The following CELA2B variants were observed in gnomAD, a reference collection of about 807,000 sequenced individuals.
CELA2B encodes chymotrypsin-like elastase family member 2B.
CELA2B carries 27 observed loss-of-function variants against 36.5 expected under a neutral mutation model. That is an observed-to-expected ratio of 0.74 (90% CI 0.55 to 1.02). The LOEUF is 1.02. Ranked by LOEUF, CELA2B falls within the 50% of genes least tolerant of loss-of-function variation. The pLI is 0.00. For missense variants in CELA2B, 340 were observed against 347.8 expected (o/e 0.98, Z 0.18); for synonymous variants, 143 against 148.5 (o/e 0.96, Z 0.27).
chr1:15,491,392 C>A lies in CELA2B; in HGVS notation c.*80C>A. ...AATATTATATAAAGTGACAACTATG[C>A]AAATCACATCTTGATGAGGGTTTTA... On this transcript the variant is annotated 3_prime_UTR_variant, in exon 8 of 8. Transcript: ENST00000375910. The A allele has an allele frequency of 6.6e-7, 1 of 1,518,740 alleles. No homozygotes were observed. The highest frequency in any genetic ancestry group is 9.1e-7 in the Non-Finnish European group (1 of 1,094,402). 94.1% of individuals were successfully genotyped at this position (1,518,740 alleles called of 1,614,324 possible). A position where few individuals can be genotyped will look rare whatever the true frequency, so the allele number is the denominator to read the frequency against.
chr1:15,491,095 C>G, intron 7 of CELA2B, 200 bp from the exon 8 acceptor site: 1 of 630,338 alleles, frequency 1.6e-6, no homozygotes, highest in Non-Finnish European at 2.9e-6. Flanking sequence ...ACAGGAAGAC[C>G]CTAACAGGTC....
chr1:15,491,352 T>C lies in CELA2B; in HGVS notation c.*40T>C. On this transcript the variant is annotated 3_prime_UTR_variant, in exon 8 of 8. Coordinates refer to ENST00000375910, the MANE Select transcript of CELA2B (RefSeq NM_015849.3). ...TGGGACTGTTTCAGACTTGGAAAGGTCACAGAAGGAAAATAATATTATATA... is the reference window on the plus strand; with the variant it reads ...TGGGACTGTTTCAGACTTGGAAAGGCCACAGAAGGAAAATAATATTATATA... 6 of 1,612,124 alleles carry C rather than the reference T, an allele frequency of 3.7e-6. No homozygotes were observed. Among genetic ancestry groups the C allele is most frequent in the Non-Finnish European group, 5.1e-6 (6 of 1,178,246 alleles).
At chr1:15,481,891 C>T (rs866681682) in intron 3 of CELA2B, 7 of 383,268 alleles carry the variant, frequency 1.8e-5, no homozygotes, top group Admixed American at 7.2e-5. Flanking sequence ...GGTGGGACTC[C>T]GGACCAGTTA....
At position 15,491,002 on chromosome 1, in the gene CELA2B, G is replaced by A. The variant is rs114099712; in HGVS notation, c.793-293G>A. 2,804 of 411,492 alleles carry A rather than the reference G, an allele frequency of 6.8e-3. 25 individuals are homozygous for A. The highest frequency in any genetic ancestry group is 0.028 in the South Asian group (721 of 26,096). 25.5% of individuals were successfully genotyped at this position (411,492 alleles called of 1,614,324 possible). A position where few individuals can be genotyped will look rare whatever the true frequency, so the allele number is the denominator to read the frequency against. On this transcript the variant is annotated intron_variant, in intron 7 of 7. Transcript: ENST00000375910. ...AATGAAATCTAAAAATATGCCATCC[G>A]CACATTTGGCATATAATTTTTAGGG...
At chr1:15,481,235 C>G in intron 3 of CELA2B, 40 bp downstream of exon 3, 6 of 1,612,074 alleles carry the variant, frequency 3.7e-6, no homozygotes, top group Non-Finnish European at 5.1e-6. Flanking sequence ...GCTCACCAGC[C>G]GGTGCTCATT....
At chr1:15,483,449 G>T in intron 5 of CELA2B, 49 bp downstream of exon 5, 1 of 1,612,754 alleles carries the variant, frequency 6.2e-7, no homozygotes, top group Non-Finnish European at 8.5e-7. Flanking sequence ...GGGAGGTGAT[G>T]TCACCCCTGT....
chr1:15,487,252 A>C, intron 6 of CELA2B, 33 bp from the exon 7 acceptor site: 2 of 1,604,734 alleles, frequency 1.2e-6, no homozygotes, highest in Non-Finnish European at 8.5e-7. Context: ...CCTTCCTCCC[A>C]CTTCAACTCC....
chr1:15,482,124 A>G (rs990655736), intron 3 of CELA2B, 141 bp from the exon 4 acceptor site: 7 of 936,978 alleles, frequency 7.5e-6, no homozygotes, highest in South Asian at 3.3e-5. Context: ...TATGATAACT[A>G]ACTGACTGTC....
In CELA2B at chr1:15,485,985, G is replaced by A. The variant is rs1168277315; in HGVS notation, c.578G>A (p.Gly193Asp). Residue 193 changes from glycine to aspartate, a missense_variant, in exon 6 of 8, where the codon GGC becomes GAC. Physicochemically the swap from Gly to Asp is moderately conservative, Grantham distance 94. Coordinates refer to ENST00000375910, the MANE Select transcript of CELA2B (RefSeq NM_015849.3). ...YATCSSSGWWGSTVKTNMICA... is the reference protein window; with the variant it reads ...YATCSSSGWWDSTVKTNMICA... ...ACCTGCTCCAGCTCTGGCTGGTGGG[G>A]CAGCACCGTGAAGACGAATATGATC... 5.0e-6 allele frequency: 8 copies of A among 1,614,096 alleles called. No individual in the cohort carries two copies. The highest frequency in any genetic ancestry group is 1.6e-4 in the Middle Eastern group (1 of 6,084).
intron 5 of CELA2B, among the ~76,000 whole-genome samples, 177 bp downstream of exon 5, chr1:15,483,577 G>A (rs1708769299): frequency 6.6e-6 from 1 of 152,230 alleles, no homozygotes; most frequent in Non-Finnish European, 1.5e-5. Context: ...CTTAATGACT[G>A]TGACACCTTG....
chr1:15,476,799 A>G (rs1331576384), intron 2 of CELA2B, among the ~76,000 whole-genome samples: 1 of 152,118 alleles, frequency 6.6e-6, no homozygotes, highest in Non-Finnish European at 1.5e-5. Context: ...CCTGGCCAAC[A>G]TGGTGAAACC....
intron 2 of CELA2B, 59 bp from the exon 3 acceptor site, chr1:15,481,039 T>A: frequency 6.3e-7 from 1 of 1,594,516 alleles, no homozygotes; most frequent in Non-Finnish European, 8.6e-7. Flanking sequence ...CTTGGGAAAC[T>A]GGAGTGCAGG....
Position 15,476,157 on chromosome 1 carries a change from T to C in CELA2B, c.32T>C (p.Val11Ala). Residue 11 changes from valine to alanine, a missense_variant, in exon 1 of 8, where the codon GTG (valine) becomes GCG (alanine). Transcript: ENST00000375910. MIRTLLLSTLVAGALSCGVST... is the reference protein window; with the variant it reads MIRTLLLSTLAAGALSCGVST... ...AGGACCCTGCTGCTGTCCACTTTGGTGGCTGGAGGTAAGTCCTGTCACCCA... is the reference window on the plus strand; with the variant it reads ...AGGACCCTGCTGCTGTCCACTTTGGCGGCTGGAGGTAAGTCCTGTCACCCA... 1 of 1,614,154 alleles carries C rather than the reference T, an allele frequency of 6.2e-7. No homozygotes were observed. The highest frequency in any genetic ancestry group is 8.5e-7 in the Non-Finnish European group (1 of 1,180,016).
intron 7 of CELA2B, chr1:15,490,893 T>C (rs376016456): frequency 1.5e-4 from 31 of 203,278 alleles, no homozygotes; most frequent in Middle Eastern, 2.2e-3. Flanking sequence ...GTTTAACAGA[T>C]ACTGATCAAC....
At chr1:15,476,427 C>T (rs754038650) in intron 1 of CELA2B, 30 bp from the exon 2 acceptor site, 1 of 1,608,232 alleles carries the variant, frequency 6.2e-7, no homozygotes, top group South Asian at 1.1e-5. Context: ...TCGCTGCTTC[C>T]TGGACTCAAG....
At chr1:15,481,610 T>G (rs776249814) in intron 3 of CELA2B, 8 of 479,646 alleles carry the variant, frequency 1.7e-5, no homozygotes, top group Admixed American at 4.7e-5. Flanking sequence ...CTGGCACTTA[T>G]TAAGTGCTCA....
intron 2 of CELA2B, among the ~76,000 whole-genome samples, chr1:15,477,654 C>T (rs1288691366): frequency 3.3e-5 from 5 of 152,094 alleles, no homozygotes; most frequent in Non-Finnish European, 5.9e-5. Flanking sequence ...GAGCCCATCC[C>T]GACTTTTACG....
In CELA2B at chr1:15,485,936, CA is replaced by C. The variant is rs762475952; in HGVS notation, c.530del (p.Gln177ArgfsTer20). ...TCTCCCTGATGACCTGAAGCAGGGC[CA>C]GTTGCTGGTTGTGGACTATGCCACC... ...GALPDDLKQG[Q>X]LLVVDYATCS... On this transcript the variant is annotated frameshift_variant, in exon 6 of 8. Coordinates refer to ENST00000375910, the MANE Select transcript of CELA2B (RefSeq NM_015849.3). LOFTEE classifies it high-confidence loss of function. The C allele has an allele frequency of 6.2e-7, 1 of 1,614,172 alleles. No individual in the cohort carries two copies. Among genetic ancestry groups the C allele is most frequent in the South Asian group, 1.1e-5 (1 of 91,074 alleles).
At position 15,487,369 on chromosome 1, in the gene CELA2B, G is replaced by A; in HGVS notation, c.724G>A (p.Gly242Ser). ...HGIGSLTSVLGCNYYYKPSIF... is the reference protein window; with the variant it reads ...HGIGSLTSVLSCNYYYKPSIF... ...CATCGGCAGCCTCACGTCGGTCCTT[G>A]GTTGCAACTACTACTACAAGCCCTC... Residue 242 changes from glycine (G) to serine (S), a missense_variant, in exon 7 of 8, where the codon GGT becomes AGT. Gly to Ser is a moderately conservative substitution (Grantham distance 56). Coordinates refer to ENST00000375910, the MANE Select transcript of CELA2B (RefSeq NM_015849.3). The A allele has an allele frequency of 6.2e-7, 1 of 1,614,238 alleles. No individual in the cohort carries two copies. Among genetic ancestry groups the A allele is most frequent in the Admixed American group, 1.7e-5 (1 of 60,028 alleles).
Sources: allele counts gnomAD v4.1 joint callset (sites outside exome capture counted in the v4.1 genomes callset), GRCh38; gene constraint gnomAD v4.1.1; transcripts MANE v1.5; gene names NCBI Gene and HGNC (gene_info 2026-07-23, HGNC 2026-07-21).